ZSCAN18: variants seen among roughly 807,000 people sequenced by gnomAD.
ZSCAN18 encodes the protein zinc finger and SCAN domain-containing protein 18.
In ZSCAN18, 16 loss-of-function variants were observed where a neutral mutation model predicts 31.1. The observed-to-expected ratio is 0.51, with a 90% CI of 0.35 to 0.78. The LOEUF (loss-of-function observed/expected upper bound fraction) is 0.78. Ranked by LOEUF, ZSCAN18 falls within the 30% of genes least tolerant of loss-of-function variation. The pLI, the probability that ZSCAN18 is intolerant of heterozygous loss-of-function variation, is 0.01. For missense variants in ZSCAN18, 731 were observed against 697.4 expected (o/e 1.05, Z -0.54); for synonymous variants, 375 against 320.7 (o/e 1.17, Z -1.81).
chr19:58,103,611 T>G (rs1280294495), intron 1 of ZSCAN18, among the ~76,000 whole-genome samples: 1 of 152,178 alleles, frequency 6.6e-6, no homozygotes, highest in African/African-American at 2.4e-5. Context: ...CAACCTGCCA[T>G]TGCTCGCTGG....
chr19:58,103,329 T>C (rs1217443887), intron 1 of ZSCAN18, among the ~76,000 whole-genome samples: 1 of 152,196 alleles, frequency 6.6e-6, no homozygotes, highest in East Asian at 1.9e-4. Context: ...ATGCAGATAT[T>C]GCATTTTTTA....
chr19:58,086,799 G>A (rs2074289328), intron 5 of ZSCAN18, 107 bp downstream of exon 5: 1 of 771,916 alleles, frequency 1.3e-6, no homozygotes, highest in Non-Finnish European at 2.1e-6. Flanking sequence ...AATCCTGTAA[G>A]ACATCACAGT....
intron 1 of ZSCAN18, among the ~76,000 whole-genome samples, chr19:58,115,234 G>T (rs1394703940): frequency 3.3e-5 from 5 of 152,224 alleles, no homozygotes; most frequent in Non-Finnish European, 5.9e-5. Context: ...TAATCTGTTT[G>T]TGAGCTAAAT....
intron 1 of ZSCAN18, among the ~76,000 whole-genome samples, chr19:58,096,084 G>T (rs988192321): frequency 2.0e-5 from 3 of 152,118 alleles, no homozygotes; most frequent in Non-Finnish European, 4.4e-5. Context: ...AGATCTCACC[G>T]GGGCAGGTGC....
chr19:58,086,143 C>T (rs751693060), intron 6 of ZSCAN18, 31 bp downstream of exon 6: 2 of 1,607,798 alleles, frequency 1.2e-6, no homozygotes, highest in Non-Finnish European at 1.7e-6. Flanking sequence ...AAACCCCACC[C>T]GGCCCTAACA....
At position 58,085,202 on chromosome 19, in the gene ZSCAN18, TG is replaced by T; in HGVS notation, c.1015del (p.Gln339ArgfsTer90). On this transcript the variant is annotated frameshift_variant, in exon 7 of 7. Transcript: ENST00000601144. LOFTEE classifies it low-confidence loss of function (END_TRUNC). ...GGTGGCAGAGTCGGACTCCGCGTCC[TG>T]GGGGTCCTGCGGGTCCGGGGCCTTC... ...PGKAPDPQDP[Q>X]DAESDSATGS... The T allele has an allele frequency of 1.9e-6, 3 of 1,609,562 alleles. No homozygotes were observed. Among genetic ancestry groups the T allele is most frequent in the Non-Finnish European group, 8.5e-7 (1 of 1,179,396 alleles).
chr19:58,111,093 G>A (rs532569848), intron 1 of ZSCAN18, among the ~76,000 whole-genome samples: 20 of 152,146 alleles, frequency 1.3e-4, no homozygotes, highest in South Asian at 2.1e-4. Context: ...GCGTGAACCC[G>A]GGAGGCGGAG....
chr19:58,113,887 A>G (rs2074708609), intron 1 of ZSCAN18, among the ~76,000 whole-genome samples: 1 of 152,110 alleles, frequency 6.6e-6, no homozygotes, highest in Non-Finnish European at 1.5e-5. Flanking sequence ...CTGAGGCAGG[A>G]CAATCACTTG....
At chr19:58,098,434 A>G (rs1053903082), upstream of ZSCAN18, 1 of 952,522 alleles carries the variant, frequency 1.0e-6, no homozygotes, top group African/African-American at 1.8e-5. Context: ...AACGAAGTAA[A>G]CAAGCGGGTA....
chr19:58,101,835 T>C (rs1160852656), upstream of ZSCAN18, among the ~76,000 whole-genome samples: 1 of 151,942 alleles, frequency 6.6e-6, no homozygotes, highest in Non-Finnish European at 1.5e-5. Context: ...TTTTTCTTTG[T>C]TTTTTGAGAC....
chr19:58,085,379 T>C lies in ZSCAN18; in HGVS notation c.839A>G (p.Glu280Gly). Residue 280 changes from glutamate to glycine, a missense_variant and splice_region_variant, in exon 7 of 7, where the codon GAA becomes GGA. Physicochemically the swap from Glu to Gly is moderately conservative, Grantham distance 98. Transcript: ENST00000601144. ...ERDPQGSSLPEGGRRQESAGC... is the reference protein window; with the variant it reads ...ERDPQGSSLPGGGRRQESAGC... ...AGCGCTCTCCTGCCGCCTCCCGCCT[T>C]CTGGAACAAGGTCAGAGCCCTAGCG... 6.3e-7 allele frequency: 1 copy of C among 1,587,298 alleles called. No homozygotes were observed. The highest frequency in any genetic ancestry group is 8.5e-7 in the Non-Finnish European group (1 of 1,175,642).
chr19:58,111,432 C>T (rs2074682699), intron 1 of ZSCAN18, among the ~76,000 whole-genome samples: 1 of 152,180 alleles, frequency 6.6e-6, no homozygotes. Context: ...CAGTGGCCTC[C>T]AAATCCTGGG....
chr19:58,098,259 GC>G (rs1409838100), upstream of ZSCAN18: 1 of 985,400 alleles, frequency 1.0e-6, no homozygotes, highest in Non-Finnish European at 1.2e-6. Flanking sequence ...TGCGCACTGG[GC>G]CTCACCGCGG....
At chr19:58,109,326 T>G in intron 1 of ZSCAN18, 1 of 1,231,562 alleles carries the variant, frequency 8.1e-7, no homozygotes, top group South Asian at 4.1e-5. Context: ...AGGGGAAAAT[T>G]TTTGAATCCT....
At chr19:58,111,557 G>A (rs562496966) in intron 1 of ZSCAN18, among the ~76,000 whole-genome samples, 3 of 151,834 alleles carry the variant, frequency 2.0e-5, no homozygotes, top group African/African-American at 7.2e-5. Context: ...TAGAGACATG[G>A]TCTCACTATG....
At chr19:58,088,537 C>T (rs1438123790) in intron 3 of ZSCAN18, 151 bp downstream of exon 3, 1 of 701,272 alleles carries the variant, frequency 1.4e-6, no homozygotes, top group Non-Finnish European at 2.3e-6. Context: ...GTCTAACATT[C>T]AGAGAAACTA....
intron 1 of ZSCAN18, chr19:58,097,864 A>G: frequency 5.4e-6 from 5 of 933,636 alleles, no homozygotes; most frequent in Non-Finnish European, 6.2e-6. Context: ...TCTCCCACCC[A>G]CAGGGTGCCC....
At position 58,118,353 on chromosome 19, in the gene ZSCAN18, G is replaced by C. The variant is rs1241535257; in HGVS notation, c.44C>G (p.Ala15Gly). Residue 15 changes from alanine (A) to glycine (G), a missense_variant, in exon 1 of 2, where the codon GCG (alanine) becomes GGG (glycine). Coordinates refer to the ZSCAN18 transcript ENST00000595721. ...CGCGAGAGGACGGAACTCACTTCCC[G>C]CCGCCGTAGCGTCCTCGTCAGCTCG... The C allele has an allele frequency of 4.6e-6, 7 of 1,532,750 alleles. No individual in the cohort carries two copies. The East Asian group carries it at 1.8e-4, about 40-fold the overall frequency. The allele number at this position is 1,532,750 out of a possible 1,614,324, so 94.9% of individuals were successfully genotyped here.
In ZSCAN18 at chr19:58,090,518, A is replaced by G. The variant is rs150782604; in HGVS notation, c.-119-132T>C. 7 of 767,964 alleles carry G rather than the reference A, an allele frequency of 9.1e-6. No homozygotes were observed. Among genetic ancestry groups the G allele is most frequent in the African/African-American group, 7.0e-5 (4 of 57,100 alleles). The allele number at this position is 767,964 out of a possible 1,614,324, so 47.6% of individuals were successfully genotyped here. On this transcript the variant is annotated intron_variant, in intron 1 of 6. Transcript: ENST00000601144. This position sits in a 1 kb window ranked among gnomAD's most constrained non-coding sequence, Gnocchi z 4.7. Reference sequence around the variant, plus strand: ...AGAAACCCGCTTGTTAGGCATCAGTAGAACCTCAGTGTTGTACTCATGTAG... The same window carrying G: ...AGAAACCCGCTTGTTAGGCATCAGTGGAACCTCAGTGTTGTACTCATGTAG...
Sources: allele counts gnomAD v4.1 joint callset (sites outside exome capture counted in the v4.1 genomes callset), GRCh38; gene constraint gnomAD v4.1.1; non-coding constraint Gnocchi (gnomAD v3.1); transcripts MANE v1.5; gene names NCBI Gene and HGNC (gene_info 2026-07-23, HGNC 2026-07-21).